The following NAB1 variants were observed in gnomAD, a reference collection of about 807,000 sequenced individuals.
NAB1 encodes the protein NGFI-A binding protein 1.
A neutral mutation model predicts 49.9 loss-of-function variants in NAB1; 25 were observed. The observed-to-expected ratio is 0.50, with a 90% CI of 0.37 to 0.70. NAB1 has a LOEUF of 0.70. NAB1 is among the 30% of genes least tolerant of loss of function. The probability of loss-of-function intolerance (pLI) is 0.00; values close to 1 mark genes in which losing one functional copy is unlikely to be tolerated. For missense variants in NAB1, 489 were observed against 575.9 expected, an observed-to-expected ratio of 0.85 and a Z score of 1.54; for synonymous variants, 198 against 215.6, an observed-to-expected ratio of 0.92 and a Z score of 0.71.
intron 5 of NAB1, among the ~76,000 whole-genome samples, chr2:190,671,490 G>GT (rs933615895): frequency 3.1e-4 from 45 of 147,318 alleles, no homozygotes; most frequent in South Asian, 6.4e-4. Context: ...TATTTATAAG[G>GT]TTTTTTTTTT....
At position 190,687,213 on chromosome 2, in the gene NAB1, T is replaced by G; in HGVS notation, c.1271T>G (p.Leu424Trp). 1 of 1,579,072 alleles carries G rather than the reference T, an allele frequency of 6.3e-7. No individual in the cohort carries two copies. Among genetic ancestry groups the G allele is most frequent in the African/African-American group, 1.4e-5 (1 of 72,418 alleles). The change falls in exon 9 of 10, where the codon TTG becomes TGG. Residue 424 changes from leucine to tryptophan, a missense_variant. Leu to Trp is a moderately conservative substitution (Grantham distance 61). Around this residue, in one of 4 missense-constraint regions of NAB1, gnomAD observed 212 missense variants for 199.3 expected, o/e 1.06. Transcript: ENST00000337386. ...DNSDGQGERP[L>W]NLRMPNLQNR... ...TTCTTTTCATTAGGAGAAAGACCTT[T>G]GAATCTCCGAATGCCTAATTTACAG... is the stretch of plus-strand genomic sequence containing the variant.
chr2:190,672,213 T>C (rs1281195055), intron 5 of NAB1, among the ~76,000 whole-genome samples: 2 of 152,212 alleles, frequency 1.3e-5, no homozygotes, highest in African/African-American at 4.8e-5. Flanking sequence ...GTGCTGTGAT[T>C]CATTTAGCCC....
rs1355550083 is a variant in NAB1, at chr2:190,651,580, C to T, written c.-197+1598C>T. On this transcript the variant is annotated intron_variant, in intron 2 of 9. Coordinates refer to ENST00000337386, the MANE Select transcript of NAB1 (RefSeq NM_005966.4). The surrounding 1 kb of genome is among the most constrained non-coding windows in gnomAD (Gnocchi z 4.3). ...AAGAAAATATAGACATGGGGTCTCG[C>T]TGTGTTGCCCAGGTTGGCCTCAAAC... 1.3e-5 allele frequency among the ~76,000 whole-genome samples: 2 copies of T among 152,118 alleles called. No homozygotes were observed. Among genetic ancestry groups the T allele is most frequent in the African/African-American group, 4.8e-5 (2 of 41,420 alleles).
At position 190,675,200 on chromosome 2, in the gene NAB1, G is replaced by A. The variant is rs533373113; in HGVS notation, c.1005+2048G>A. 3.3e-5 allele frequency among the ~76,000 whole-genome samples: 5 copies of A among 152,296 alleles called. No individual in the cohort carries two copies. The highest frequency in any genetic ancestry group is 1.2e-4 in the African/African-American group (5 of 41,572). On this transcript the variant is annotated intron_variant, in intron 6 of 9. Transcript: ENST00000337386. The surrounding 1 kb of genome is among the most constrained non-coding windows in gnomAD (Gnocchi z 5.2). The stretch of plus-strand genomic sequence containing the variant: ...CTACCCAGGGGCCAAAAAATTAGTT[G>A]CTAGGCTAGAAATATGTCTCTATCT...
At position 190,666,280 on chromosome 2, in the gene NAB1, A is replaced by G. The variant is rs1218187179; in HGVS notation, c.820-4046A>G. Among the ~76,000 whole-genome samples the G allele has an allele frequency of 6.6e-6, 1 of 152,200 alleles. No individual in the cohort carries two copies. Among genetic ancestry groups the G allele is most frequent in the Non-Finnish European group, 1.5e-5 (1 of 68,036 alleles). The stretch of plus-strand genomic sequence containing the variant: ...TGTGCCAACAGTACTTAAAGTCACA[A>G]TCATTTAATTGTTGGAGATTATAAT... On this transcript the variant is annotated intron_variant, in intron 4 of 9. Coordinates refer to ENST00000337386, the MANE Select transcript of NAB1 (RefSeq NM_005966.4). This position sits in a 1 kb window ranked among gnomAD's most constrained non-coding sequence, Gnocchi z 5.6.
At chr2:190,683,173 C>T (rs1230558742) in intron 6 of NAB1, among the ~76,000 whole-genome samples, 1 of 151,984 alleles carries the variant, frequency 6.6e-6, no homozygotes, top group Non-Finnish European at 1.5e-5. Context: ...TGCAGTGGTG[C>T]AGTCTCGGCT....
chr2:190,670,357 G>A lies in NAB1; in HGVS notation c.851G>A (p.Cys284Tyr), dbSNP rs759592025. The A allele has an allele frequency of 6.2e-7, 1 of 1,613,888 alleles. No homozygotes were observed. Among genetic ancestry groups the A allele is most frequent in the Non-Finnish European group, 8.5e-7 (1 of 1,179,892 alleles). Residue 284 changes from cysteine to tyrosine, a missense_variant, in exon 5 of 10, where the codon TGT becomes TAT. Cys to Tyr is a radical substitution (Grantham distance 194). This residue lies in a region of NAB1 where 38 missense variants were observed against 70.1 expected (regional missense o/e 0.54). Transcript: ENST00000337386. This position sits in a 1 kb window ranked among gnomAD's most constrained non-coding sequence, Gnocchi z 5.3. ...GTTAATGAAGCGGCTGCTCAACTCT[G>A]TGTGAAGGATAATGCCCTGCTGACA... ...LTVNEAAAQL[C>Y]VKDNALLTRR...
In NAB1 at chr2:190,659,405, A is replaced by G. The variant is rs767145188; in HGVS notation, c.229A>G (p.Thr77Ala). 4 of 1,614,172 alleles carry G rather than the reference A, an allele frequency of 2.5e-6. No homozygotes were observed. In the Admixed American group the frequency reaches 6.7e-5, roughly 27 times the overall value. The change falls in exon 4 of 10, where the codon ACA (threonine) becomes GCA (alanine). Residue 77 changes from threonine to alanine, a missense_variant. Transcript: ENST00000337386. The surrounding 1 kb of genome is among the most constrained non-coding windows in gnomAD (Gnocchi z 6.2). ...GCAGAAGGCTTTGAGAGACTGGGTC[A>G]CAAACCCTGGGCTTTTCAATCAGCC... ...RLQKALRDWVTNPGLFNQPLT... is the reference protein window; with the variant it reads ...RLQKALRDWVANPGLFNQPLT...
chr2:190,681,619 G>T (rs1204852370), intron 6 of NAB1, among the ~76,000 whole-genome samples: 1 of 152,112 alleles, frequency 6.6e-6, no homozygotes, highest in African/African-American at 2.4e-5. Flanking sequence ...TTACATACTG[G>T]CCCATGATAA....
chr2:190,685,676 A>G lies in NAB1; in HGVS notation c.1258+38A>G, dbSNP rs1001074678. 2.8e-6 allele frequency: 4 copies of G among 1,447,662 alleles called. No individual in the cohort carries two copies. The highest frequency in any genetic ancestry group is 1.8e-4 in the Middle Eastern group (1 of 5,450). The allele number at this position is 1,447,662 out of a possible 1,614,324, so 89.7% of individuals were successfully genotyped here. A position where few individuals can be genotyped will look rare whatever the true frequency, so the allele number is the denominator to read the frequency against. On this transcript the variant is annotated intron_variant, in intron 8 of 9. Coordinates refer to ENST00000337386, the MANE Select transcript of NAB1 (RefSeq NM_005966.4). The surrounding 1 kb of genome is among the most constrained non-coding windows in gnomAD (Gnocchi z 4.5). ...AATATCCTATGCCTTTAGGGCCACT[A>G]TGTGCACTTCAAAGAGAAACAGAAG...
chr2:190,668,228 G>T lies in NAB1; in HGVS notation c.820-2098G>T, dbSNP rs73980851. Among the ~76,000 whole-genome samples, 302 of 152,258 alleles carry T rather than the reference G, an allele frequency of 2.0e-3. 3 individuals carry two copies. Among genetic ancestry groups the T allele is most frequent in the African/African-American group, 6.7e-3 (280 of 41,552 alleles). On this transcript the variant is annotated intron_variant, in intron 4 of 9. Transcript: ENST00000337386. ...TTCTTAAAATTTTAGTATACCCTGT[G>T]ACCTAACTGGTCTATTTGTAGGAAT...
chr2:190,687,385 C>T, intron 9 of NAB1, 68 bp downstream of exon 9: 1 of 629,802 alleles, frequency 1.6e-6, no homozygotes, highest in Non-Finnish European at 2.5e-6. Flanking sequence ...TGTTCTATTT[C>T]CTCCCCCATC....
chr2:190,650,252 T>G (rs1487758040), intron 2 of NAB1, among the ~76,000 whole-genome samples: 1 of 152,216 alleles, frequency 6.6e-6, no homozygotes. Context: ...CGGAAAATTT[T>G]GGGATGGCTG....
rs1385934558 is a variant in NAB1 at position 190,678,965 on chromosome 2, C to A, written c.1006-4773C>A. 6.6e-6 allele frequency among the ~76,000 whole-genome samples: 1 copy of A among 152,192 alleles called. No homozygotes were observed. The highest frequency in any genetic ancestry group is 1.5e-5 in the Non-Finnish European group (1 of 68,038). ...GTGTTCGGCAGAAAGGATGAGGAGG[C>A]ATGGGGATGGAGACCAATGGGATGA... On this transcript the variant is annotated intron_variant, in intron 6 of 9. Transcript: ENST00000337386. This position sits in a 1 kb window ranked among gnomAD's most constrained non-coding sequence, Gnocchi z 4.9.
At position 190,676,480 on chromosome 2, in the gene NAB1, G is replaced by A. The variant is rs955847229; in HGVS notation, c.1005+3328G>A. Among the ~76,000 whole-genome samples the A allele has an allele frequency of 6.6e-6, 1 of 152,178 alleles. No individual in the cohort carries two copies. The highest frequency in any genetic ancestry group is 2.4e-5 in the African/African-American group (1 of 41,428). On this transcript the variant is annotated intron_variant, in intron 6 of 9. Transcript: ENST00000337386. This position sits in a 1 kb window ranked among gnomAD's most constrained non-coding sequence, Gnocchi z 4.6. ...ATGGTGGCTTATGACTGTAATCCCA[G>A]CACTTTGTGAGGCTGAGGCAGATGG...
In NAB1 at chr2:190,667,503, T is replaced by C. The variant is rs1694585631; in HGVS notation, c.820-2823T>C. 6.6e-6 allele frequency among the ~76,000 whole-genome samples: 1 copy of C among 152,242 alleles called. No individual in the cohort carries two copies. Among genetic ancestry groups the C allele is most frequent in the African/African-American group, 2.4e-5 (1 of 41,470 alleles). On this transcript the variant is annotated intron_variant, in intron 4 of 9. Coordinates refer to ENST00000337386, the MANE Select transcript of NAB1 (RefSeq NM_005966.4). The surrounding 1 kb of genome is among the most constrained non-coding windows in gnomAD (Gnocchi z 4.4). ...ATTTCACTTTTAACTCCAATAACAT[T>C]GTGCCTTTCAAAGGCACTTAGGGGA...
Position 190,663,045 on chromosome 2 carries a change from G to A in NAB1, c.819+3050G>A, listed in dbSNP as rs1006598605. On this transcript the variant is annotated intron_variant, in intron 4 of 9. Transcript: ENST00000337386. This position sits in a 1 kb window ranked among gnomAD's most constrained non-coding sequence, Gnocchi z 4.2. ...AGGAGGAATGCTGAATCTGAGAACC[G>A]CATAAACGTGGTCACATTATTAAGT... 1.3e-5 allele frequency among the ~76,000 whole-genome samples: 2 copies of A among 152,278 alleles called. No individual in the cohort carries two copies. The highest frequency in any genetic ancestry group is 2.1e-4 in the South Asian group (1 of 4,822).
rs1027029021 is a variant in NAB1, at chr2:190,667,026, G to A, written c.820-3300G>A. On this transcript the variant is annotated intron_variant, in intron 4 of 9. Coordinates refer to ENST00000337386, the MANE Select transcript of NAB1 (RefSeq NM_005966.4). The surrounding 1 kb of genome is among the most constrained non-coding windows in gnomAD (Gnocchi z 4.4). Reference sequence around the variant, plus strand: ...AATCTAGGTAACTCTGACAGAACACGTGTTTTTAAGGGAGAGGCTTCATGA... The same window carrying A: ...AATCTAGGTAACTCTGACAGAACACATGTTTTTAAGGGAGAGGCTTCATGA... 1.3e-5 allele frequency among the ~76,000 whole-genome samples: 2 copies of A among 152,176 alleles called. No homozygotes were observed. Among genetic ancestry groups the A allele is most frequent in the Non-Finnish European group, 2.9e-5 (2 of 68,044 alleles).
At chr2:190,672,703 C>T (rs1242876908) in intron 5 of NAB1, among the ~76,000 whole-genome samples, 1 of 151,820 alleles carries the variant, frequency 6.6e-6, no homozygotes, top group Admixed American at 6.6e-5. Flanking sequence ...AGGCTGGGCA[C>T]AGTGGCTCAC....
Sources: gnomAD v4.1 joint callset for allele counts (sites outside exome capture counted in the v4.1 genomes callset) on GRCh38, gnomAD v4.1.1 for gene constraint, gnomAD v4.1.1 regional missense constraint, Gnocchi (gnomAD v3.1) non-coding constraint, MANE v1.5 for transcripts, NCBI Gene and HGNC (gene_info 2026-07-23, HGNC 2026-07-21) for gene names.